KCNH5: variants seen among roughly 807,000 people sequenced by gnomAD.
KCNH5 encodes the protein voltage-gated delayed rectifier potassium channel KCNH5.
In KCNH5, 46 loss-of-function variants were observed where a neutral mutation model predicts 96.1. That is an observed-to-expected ratio of 0.48 (90% CI 0.38 to 0.61). The LOEUF (loss-of-function observed/expected upper bound fraction) is 0.61, where lower values mean the gene tolerates loss of function less well. Among genes scored for constraint, KCNH5 ranks in the 20% least tolerant of loss-of-function variants. KCNH5 has a pLI of 0.00. For synonymous variants in KCNH5, 439 were observed against 449.8 expected, an observed-to-expected ratio of 0.98 and a Z score of 0.30; for missense variants, 907 against 1,225.8, an observed-to-expected ratio of 0.74 and a Z score of 3.88.
intron 9 of KCNH5, among the ~76,000 whole-genome samples, chr14:62,797,856 A>G (rs1354059821): frequency 6.6e-6 from 1 of 151,654 alleles, no homozygotes; most frequent in Non-Finnish European, 1.5e-5. Context: ...CCTCCCAAAT[A>G]CAGATATATG....
chr14:62,875,593 G>A (rs1044410242), intron 7 of KCNH5, among the ~76,000 whole-genome samples: 37 of 152,220 alleles, frequency 2.4e-4, no homozygotes, highest in South Asian at 4.2e-4. Flanking sequence ...CACTCTTGGT[G>A]GGAATATAAA....
chr14:62,862,770 G>C (rs544464666), intron 7 of KCNH5, among the ~76,000 whole-genome samples: 1 of 152,262 alleles, frequency 6.6e-6, no homozygotes, highest in South Asian at 2.1e-4. Context: ...AGTCCCCACT[G>C]AACCTAGCTC....
In KCNH5 at chr14:62,981,295, C is replaced by T. The variant is rs776964048; in HGVS notation, c.550-31G>A. On this transcript the variant is annotated intron_variant, in intron 5 of 10. Coordinates refer to ENST00000322893, the MANE Select transcript of KCNH5 (RefSeq NM_139318.5). ...AGAGAGAAAATGTATTTATACATGACTAGGTTATCTCTGCACAGTCAGTGA... is the reference window on the plus strand; with the variant it reads ...AGAGAGAAAATGTATTTATACATGATTAGGTTATCTCTGCACAGTCAGTGA... 3.1e-6 allele frequency: 5 copies of T among 1,603,070 alleles called. No individual in the cohort carries two copies. In the South Asian group the frequency reaches 4.4e-5, roughly 14 times the overall value.
At position 62,707,585 on chromosome 14, in the gene KCNH5, G is replaced by A; in HGVS notation, c.2890C>T (p.Gln964Ter). 1 of 1,528,044 alleles carries A rather than the reference G, an allele frequency of 6.5e-7. No homozygotes were observed. The highest frequency in any genetic ancestry group is 2.3e-5 in the East Asian group (1 of 43,912). The allele number at this position is 1,528,044 out of a possible 1,614,324, so 94.7% of individuals were successfully genotyped here. A position where few individuals can be genotyped will look rare whatever the true frequency, so the allele number is the denominator to read the frequency against. The change falls in exon 11 of 11, where the codon CAG becomes TAG. Residue 964 changes from glutamine to a stop codon, truncating the protein, a stop_gained. Transcript: ENST00000322893. LOFTEE classifies it high-confidence loss of function. ...KSQMPLQVPP[Q>*]IPCQDIFSVS... is the part of the protein sequence containing the mutation. ...CTAAAAATATCCTGACATGGTATCT[G>A]GGGGGGTACTTGGAGTGGCATTTGG...
At chr14:62,991,772 C>T (rs1410041307) in intron 4 of KCNH5, among the ~76,000 whole-genome samples, 4 of 151,968 alleles carry the variant, frequency 2.6e-5, no homozygotes, top group African/African-American at 9.7e-5. Flanking sequence ...TTACTGTCAG[C>T]ACAAACCCCT....
At chr14:62,825,077 C>T (rs243163) in intron 8 of KCNH5, among the ~76,000 whole-genome samples, 44,336 of 151,820 alleles carry the variant, frequency 0.29, 9,291 homozygotes, top group African/African-American at 0.59. Flanking sequence ...TATGGGTGTA[C>T]GTGTCTTTTC....
chr14:62,866,279 T>C (rs77797936), intron 7 of KCNH5, among the ~76,000 whole-genome samples: 5,097 of 152,294 alleles, frequency 0.033, 107 homozygotes, highest in Middle Eastern at 0.061. Context: ...GTGTAAGTTT[T>C]GACTTGATAA....
intron 7 of KCNH5, among the ~76,000 whole-genome samples, chr14:62,911,348 G>T (rs1024571533): frequency 6.8e-6 from 1 of 147,524 alleles, no homozygotes; most frequent in African/African-American, 2.5e-5. Context: ...GCGCAATCTC[G>T]GCTCACTGCA....
chr14:62,829,640 C>G (rs1887301334), intron 8 of KCNH5, among the ~76,000 whole-genome samples: 1 of 152,204 alleles, frequency 6.6e-6, no homozygotes, highest in South Asian at 2.1e-4. Flanking sequence ...CACAGAGCAG[C>G]AGAGCTCTGG....
intron 10 of KCNH5, among the ~76,000 whole-genome samples, chr14:62,760,195 T>C (rs912997848): frequency 1.3e-5 from 2 of 152,186 alleles, no homozygotes; most frequent in Non-Finnish European, 2.9e-5. Flanking sequence ...TTTGACATCC[T>C]AGTTTCTGAA....
chr14:62,754,888 GTAAAATAAAATAAAA>G (rs567937783), intron 10 of KCNH5, among the ~76,000 whole-genome samples: 1,732 of 134,006 alleles, frequency 0.013, 32 homozygotes, highest in African/African-American at 0.041. Flanking sequence ...ATAAAATAAA[GTAAAATAAAATAAAA>G]TAAAATAAAA....
intron 7 of KCNH5, among the ~76,000 whole-genome samples, chr14:62,908,545 G>C (rs1889074820): frequency 6.6e-6 from 1 of 152,094 alleles, no homozygotes; most frequent in South Asian, 2.1e-4. Flanking sequence ...AAACTATTAG[G>C]AATCCTTCAA....
At chr14:62,960,074 T>C (rs1890177963) in intron 6 of KCNH5, among the ~76,000 whole-genome samples, 1 of 152,168 alleles carries the variant, frequency 6.6e-6, no homozygotes, top group South Asian at 2.1e-4. Flanking sequence ...TCACTCTCCA[T>C]CCAATTTTCA....
intron 7 of KCNH5, among the ~76,000 whole-genome samples, chr14:62,866,855 C>T (rs1248053013): frequency 6.6e-6 from 1 of 152,132 alleles, no homozygotes; most frequent in Non-Finnish European, 1.5e-5. Flanking sequence ...CCTCTCTCAG[C>T]TAAATTACTG....
rs530806245 is a variant in KCNH5, at chr14:62,762,326, C to A, written c.2019+17402G>T. Among the ~76,000 whole-genome samples the A allele has an allele frequency of 2.0e-5, 3 of 152,268 alleles. No individual in the cohort carries two copies. The East Asian group carries it at 5.8e-4, about 29-fold the overall frequency. Reference sequence around the variant, plus strand: ...CTTCTAGCCTCCCGTGTGGTCCCTGCAAGCCCATGCCCACTTGCAGCACAG... The same window carrying A: ...CTTCTAGCCTCCCGTGTGGTCCCTGAAAGCCCATGCCCACTTGCAGCACAG... On this transcript the variant is annotated intron_variant, in intron 10 of 10. Transcript: ENST00000322893.
chr14:62,719,715 A>G (rs950396923), intron 10 of KCNH5, among the ~76,000 whole-genome samples: 1 of 152,220 alleles, frequency 6.6e-6, no homozygotes, highest in Admixed American at 6.5e-5. Context: ...GGGATTGGCC[A>G]AGACTTAGCT....
chr14:62,710,175 T>C (rs1884538664), intron 10 of KCNH5, among the ~76,000 whole-genome samples: 1 of 152,180 alleles, frequency 6.6e-6, no homozygotes, highest in Admixed American at 6.5e-5. Context: ...GCCAGAAAGA[T>C]AGGAATTCCC....
intron 10 of KCNH5, among the ~76,000 whole-genome samples, chr14:62,776,672 G>A (rs112430865): frequency 7.9e-5 from 12 of 152,268 alleles, no homozygotes; most frequent in African/African-American, 1.4e-4. Flanking sequence ...ATTCCATGCC[G>A]TAGTTGTTTC....
At chr14:62,773,408 C>T (rs1886031178) in intron 10 of KCNH5, among the ~76,000 whole-genome samples, 1 of 152,220 alleles carries the variant, frequency 6.6e-6, no homozygotes, top group East Asian at 1.9e-4. Context: ...TCCTTTATGC[C>T]GCCTGTGTAC....
Sources: allele counts gnomAD v4.1 joint callset (sites outside exome capture counted in the v4.1 genomes callset), GRCh38; gene constraint gnomAD v4.1.1; transcripts MANE v1.5; gene names NCBI Gene and HGNC (gene_info 2026-07-23, HGNC 2026-07-21).